The following MAGI1 variants were observed in gnomAD, a reference collection of about 807,000 sequenced individuals.
MAGI1 encodes membrane-associated guanylate kinase, WW and PDZ domain-containing protein 1.
MAGI1 carries 58 observed loss-of-function variants against 139.9 expected under a neutral mutation model. The observed-to-expected ratio is 0.41, with a 90% CI of 0.34 to 0.52. MAGI1 has a LOEUF of 0.52. MAGI1 is among the 20% of genes least tolerant of loss of function. MAGI1 has a pLI of 0.12. For missense variants in MAGI1, 1,874 were observed against 1,901.6 expected (o/e 0.99, Z 0.27); for synonymous variants, 812 against 737.9 (o/e 1.10, Z -1.63).
intron 5 of MAGI1, among the ~76,000 whole-genome samples, chr3:65,456,379 AT>A (rs201447876): frequency 2.3e-3 from 323 of 142,246 alleles, no homozygotes; most frequent in Middle Eastern, 7.6e-3. Context: ...ATGGTTTGAT[AT>A]TTTTTTTTTT....
intron 1 of MAGI1, among the ~76,000 whole-genome samples, chr3:65,746,057 A>T (rs1020361209): frequency 6.6e-6 from 1 of 150,880 alleles, no homozygotes; most frequent in African/African-American, 2.4e-5. Context: ...CTTTTTTTAG[A>T]TGGAGTCTTG....
chr3:65,597,925 T>TGGGGGGGGGGGGGGGAGGGGGGGGGGG, intron 2 of MAGI1: 1 of 394,352 alleles, frequency 2.5e-6, no homozygotes, highest in East Asian at 7.9e-5. Context: ...GAGGCGGGGG[T>TGGGGGGGGGGGGGGGAGGGGGGGGGGG]GGGGGGGGGG....
intron 1 of MAGI1, among the ~76,000 whole-genome samples, chr3:65,840,225 C>A (rs1366824370): frequency 6.7e-6 from 1 of 150,248 alleles, no homozygotes; most frequent in African/African-American, 2.5e-5. Context: ...TAGTTTATTT[C>A]TTCATCTCCA....
chr3:65,729,164 C>T (rs951557752), intron 1 of MAGI1, among the ~76,000 whole-genome samples: 1 of 141,176 alleles, frequency 7.1e-6, no homozygotes, highest in Non-Finnish European at 1.5e-5. Flanking sequence ...GAAAACAAGC[C>T]ATCTACAAGT....
At chr3:65,846,976 C>CAAAAAAAAAAAAAA (rs58391331) in intron 1 of MAGI1, among the ~76,000 whole-genome samples, 25 of 80,958 alleles carry the variant, frequency 3.1e-4, no homozygotes, top group African/African-American at 8.9e-4. Flanking sequence ...CAATGTCTTA[C>CAAAAAAAAAAAAAA]AAAAAAAAAA....
chr3:65,587,952 A>G (rs1241069097), intron 2 of MAGI1, among the ~76,000 whole-genome samples: 1 of 152,162 alleles, frequency 6.6e-6, no homozygotes, highest in East Asian at 1.9e-4. Flanking sequence ...TCAACTTCCC[A>G]GTGTTGGGAT....
chr3:65,763,347 G>A (rs1342219195), intron 1 of MAGI1, among the ~76,000 whole-genome samples: 1 of 151,950 alleles, frequency 6.6e-6, no homozygotes, highest in Non-Finnish European at 1.5e-5. Context: ...TTCCATATAA[G>A]GGTTCCCATG....
At chr3:65,847,504 A>G (rs1000355979) in intron 1 of MAGI1, among the ~76,000 whole-genome samples, 2 of 152,190 alleles carry the variant, frequency 1.3e-5, no homozygotes, top group African/African-American at 4.8e-5. Context: ...TCTAACTAAC[A>G]TATTAAACAA....
At chr3:65,836,930 T>A (rs1013005194) in intron 1 of MAGI1, among the ~76,000 whole-genome samples, 1 of 152,118 alleles carries the variant, frequency 6.6e-6, no homozygotes, top group African/African-American at 2.4e-5. Context: ...GCTCACTGTC[T>A]TTGAAACTGT....
In MAGI1 at chr3:65,840,866, T is replaced by G. The variant is rs143489557; in HGVS notation, c.313+197130A>C. 5.5e-4 allele frequency among the ~76,000 whole-genome samples: 84 copies of G among 152,360 alleles called. 2 individuals carry two copies. Among genetic ancestry groups the G allele is most frequent in the African/African-American group, 1.9e-3 (81 of 41,592 alleles). ...TGGAAGAAATTATATACAGTTGCTA[T>G]TAATTCTTTTTTAGACATTTGCTAC... is the stretch of plus-strand genomic sequence containing the variant. On this transcript the variant is annotated intron_variant, in intron 1 of 22. Coordinates refer to ENST00000402939, the MANE Select transcript of MAGI1 (RefSeq NM_001033057.2).
At chr3:65,516,338 C>T (rs998233944) in intron 2 of MAGI1, among the ~76,000 whole-genome samples, 2 of 152,096 alleles carry the variant, frequency 1.3e-5, no homozygotes, top group Non-Finnish European at 2.9e-5. Flanking sequence ...TGCCACCCCA[C>T]CCGGCTAATT....
At position 65,935,553 on chromosome 3, in the gene MAGI1, T is replaced by C. The variant is rs1020045831; in HGVS notation, c.313+102443A>G. On this transcript the variant is annotated intron_variant, in intron 1 of 22. Transcript: ENST00000402939. Reference sequence around the variant, plus strand: ...GGAAGGATCGCTTGAGCCCAGGAGGTTGAGGCTGCAGTGAGCCATGAGGCT... The same window carrying C: ...GGAAGGATCGCTTGAGCCCAGGAGGCTGAGGCTGCAGTGAGCCATGAGGCT... Among the ~76,000 whole-genome samples the C allele has an allele frequency of 3.9e-5, 6 of 151,998 alleles. No individual in the cohort carries two copies. In the East Asian group the frequency reaches 5.8e-4, roughly 15 times the overall value.
intron 1 of MAGI1, among the ~76,000 whole-genome samples, chr3:65,789,920 CA>C (rs1192845933): frequency 6.6e-6 from 1 of 152,192 alleles, no homozygotes; most frequent in Non-Finnish European, 1.5e-5. Context: ...TGCACACAAA[CA>C]AAAATCTCAT....
At chr3:65,701,255 A>C (rs1431179215) in intron 1 of MAGI1, among the ~76,000 whole-genome samples, 1 of 152,192 alleles carries the variant, frequency 6.6e-6, no homozygotes, top group Non-Finnish European at 1.5e-5. Context: ...CTTGATTCCA[A>C]GTAGCTTTTT....
intron 17 of MAGI1, among the ~76,000 whole-genome samples, chr3:65,378,713 G>A (rs546282591): frequency 1.4e-5 from 2 of 142,896 alleles, no homozygotes; most frequent in African/African-American, 2.6e-5. Context: ...ACAGAGTCTC[G>A]CTGTGTCACC....
chr3:65,637,377 AC>A (rs2084685870), intron 1 of MAGI1, among the ~76,000 whole-genome samples: 1 of 151,978 alleles, frequency 6.6e-6, no homozygotes, highest in Non-Finnish European at 1.5e-5. Context: ...ACATGGCACA[AC>A]CCTGTCTCTA....
At chr3:65,369,995 G>T (rs1005906698) in intron 18 of MAGI1, among the ~76,000 whole-genome samples, 1 of 152,138 alleles carries the variant, frequency 6.6e-6, no homozygotes, top group East Asian at 1.9e-4. Flanking sequence ...TGTCCAACAC[G>T]CTTTCACAGA....
intron 1 of MAGI1, among the ~76,000 whole-genome samples, chr3:65,676,955 C>G (rs2087232908): frequency 6.6e-6 from 1 of 152,316 alleles, no homozygotes; most frequent in East Asian, 1.9e-4. Context: ...ACCAGATGTA[C>G]TTAATTTAAT....
At chr3:65,835,981 C>T (rs1437123951) in intron 1 of MAGI1, among the ~76,000 whole-genome samples, 1 of 152,138 alleles carries the variant, frequency 6.6e-6, no homozygotes, top group Non-Finnish European at 1.5e-5. Flanking sequence ...GTCCACATCA[C>T]TGCAGGCAAG....
Sources: gnomAD v4.1 joint callset for allele counts (sites outside exome capture counted in the v4.1 genomes callset) on GRCh38, gnomAD v4.1.1 for gene constraint, MANE v1.5 for transcripts, NCBI Gene and HGNC (gene_info 2026-07-23, HGNC 2026-07-21) for gene names.